The following ITPKB variants were observed in gnomAD, a reference collection of about 807,000 sequenced individuals.
The protein encoded by ITPKB is IP3 3-kinase B.
A neutral mutation model predicts 69.4 loss-of-function variants in ITPKB; 13 were observed. That is an observed-to-expected ratio of 0.19 (90% confidence interval 0.12 to 0.30). The LOEUF (loss-of-function observed/expected upper bound fraction) is 0.30. ITPKB is among the 10% of genes least tolerant of loss of function. ITPKB has a pLI of 1.00. For synonymous variants in ITPKB, 584 were observed against 513.7 expected (o/e 1.14, Z -1.85); for missense variants, 1,240 against 1,250.5 (o/e 0.99, Z 0.13).
intron 2 of ITPKB, among the ~76,000 whole-genome samples, chr1:226,694,421 A>G (rs1314711581): frequency 2.0e-5 from 3 of 152,206 alleles, no homozygotes. Context: ...CTTTCTATCT[A>G]TGACTTCTTT....
At chr1:226,685,807 A>G (rs1656195593) in intron 2 of ITPKB, among the ~76,000 whole-genome samples, 1 of 152,164 alleles carries the variant, frequency 6.6e-6, no homozygotes, top group Non-Finnish European at 1.5e-5. Context: ...TTGTACAAGG[A>G]AAAAAAATTC....
chr1:226,672,885 A>G (rs1188206380), intron 2 of ITPKB, among the ~76,000 whole-genome samples: 1 of 152,206 alleles, frequency 6.6e-6, no homozygotes, highest in Non-Finnish European at 1.5e-5. Flanking sequence ...TGGGCAGACA[A>G]ACAGGAAGAA....
chr1:226,735,593 G>T lies in ITPKB; in HGVS notation c.1866C>A (p.Asp622Glu). 6.3e-6 allele frequency: 10 copies of T among 1,595,956 alleles called. No individual in the cohort carries two copies. The highest frequency in any genetic ancestry group is 8.5e-6 in the Non-Finnish European group (10 of 1,171,162). The change falls in exon 2 of 8, where the codon GAC (aspartate) becomes GAA (glutamate). Residue 622 changes from aspartate (D) to glutamate (E), a missense_variant. Coordinates refer to ENST00000429204, the MANE Select transcript of ITPKB (RefSeq NM_002221.4). ...YEDSEEDISS[D>E]PERTLDPNSA... Reference sequence around the variant, plus strand: ...AGTTGGGGTCCAGGGTGCGCTCAGGGTCACTGGAGATGTCCTCCTCTGAGT... The same window carrying T: ...AGTTGGGGTCCAGGGTGCGCTCAGGTTCACTGGAGATGTCCTCCTCTGAGT...
intron 2 of ITPKB, among the ~76,000 whole-genome samples, chr1:226,723,455 C>A (rs1382420906): frequency 6.6e-6 from 1 of 152,078 alleles, no homozygotes; most frequent in Non-Finnish European, 1.5e-5. Flanking sequence ...GGCCTGGCAC[C>A]AGATGCGGCA....
At chr1:226,713,558 G>A (rs1657026156) in intron 2 of ITPKB, among the ~76,000 whole-genome samples, 1 of 152,190 alleles carries the variant, frequency 6.6e-6, no homozygotes, top group Non-Finnish European at 1.5e-5. Context: ...GTCGTGGTCT[G>A]GAGGAATTTC....
At chr1:226,702,189 A>C (rs930887230) in intron 2 of ITPKB, among the ~76,000 whole-genome samples, 1 of 152,160 alleles carries the variant, frequency 6.6e-6, no homozygotes, top group East Asian at 1.9e-4. Context: ...TGAGGTCTAG[A>C]GTTCAAGACC....
At chr1:226,696,757 T>G (rs1320516417) in intron 2 of ITPKB, among the ~76,000 whole-genome samples, 3 of 152,142 alleles carry the variant, frequency 2.0e-5, no homozygotes, top group Non-Finnish European at 4.4e-5. Flanking sequence ...TTCCTAAGTG[T>G]CTCATCACAC....
chr1:226,673,242 C>T (rs570981366), intron 2 of ITPKB, among the ~76,000 whole-genome samples: 5 of 152,192 alleles, frequency 3.3e-5, no homozygotes, highest in Middle Eastern at 3.4e-3. Context: ...GGTGTGGTGG[C>T]GCGCACCTGT....
chr1:226,639,054 C>CT (rs34561047), intron 6 of ITPKB, among the ~76,000 whole-genome samples: 48,243 of 123,700 alleles, frequency 0.39, 10,300 homozygotes, highest in South Asian at 0.52. Context: ...GTGCCCTTGA[C>CT]TTTTTTTTTT....
chr1:226,734,153 C>G (rs996224845), intron 2 of ITPKB, among the ~76,000 whole-genome samples: 1 of 152,244 alleles, frequency 6.6e-6, no homozygotes, highest in African/African-American at 2.4e-5. Context: ...CCGCTTCCCC[C>G]TCTAAAGGTG....
At chr1:226,638,659 A>G (rs1478016383) in intron 6 of ITPKB, among the ~76,000 whole-genome samples, 1 of 152,002 alleles carries the variant, frequency 6.6e-6, no homozygotes, top group Non-Finnish European at 1.5e-5. Context: ...GCAGCAACAC[A>G]CAAGACAGAA....
intron 2 of ITPKB, among the ~76,000 whole-genome samples, chr1:226,703,820 G>A (rs990739137): frequency 2.0e-5 from 3 of 152,230 alleles, no homozygotes; most frequent in African/African-American, 7.2e-5. Context: ...ATGTGTTTCA[G>A]TCTGGGTTTC....
At chr1:226,704,355 T>G (rs1442969979) in intron 2 of ITPKB, among the ~76,000 whole-genome samples, 1 of 152,190 alleles carries the variant, frequency 6.6e-6, no homozygotes, top group African/African-American at 2.4e-5. Context: ...TTAAAAACAT[T>G]AATATAACCA....
chr1:226,717,483 C>A (rs896372120), intron 2 of ITPKB, among the ~76,000 whole-genome samples: 3 of 152,204 alleles, frequency 2.0e-5, no homozygotes, highest in Non-Finnish European at 4.4e-5. Context: ...GCACCAGTGG[C>A]GGAAAGGAAG....
At chr1:226,687,976 G>A (rs1168480149) in intron 2 of ITPKB, among the ~76,000 whole-genome samples, 1 of 152,210 alleles carries the variant, frequency 6.6e-6, no homozygotes, top group African/African-American at 2.4e-5. Flanking sequence ...GGGAGTGTCT[G>A]TAACAACTAT....
intron 2 of ITPKB, among the ~76,000 whole-genome samples, chr1:226,731,055 TTGTC>T (rs1657576139): frequency 6.6e-6 from 1 of 152,226 alleles, no homozygotes; most frequent in Admixed American, 6.5e-5. Context: ...CAATCTCTCT[TTGTC>T]TGTATACCTC....
chr1:226,644,258 G>C (rs1669020379), intron 4 of ITPKB, among the ~76,000 whole-genome samples: 1 of 152,226 alleles, frequency 6.6e-6, no homozygotes, highest in Non-Finnish European at 1.5e-5. Context: ...ATGCCCACAG[G>C]AAGGTGAGGC....
At chr1:226,721,959 G>T (rs984011048) in intron 2 of ITPKB, among the ~76,000 whole-genome samples, 3 of 151,602 alleles carry the variant, frequency 2.0e-5, no homozygotes, top group African/African-American at 7.3e-5. Context: ...GATTACAGGC[G>T]CGCACCACCA....
chr1:226,714,451 G>GT (rs1657046365), intron 2 of ITPKB, among the ~76,000 whole-genome samples: 1 of 152,194 alleles, frequency 6.6e-6, no homozygotes, highest in Non-Finnish European at 1.5e-5. Flanking sequence ...TTGATTTGAA[G>GT]TAAGAATGAC....
Sources: gnomAD v4.1 joint callset for allele counts (sites outside exome capture counted in the v4.1 genomes callset) on GRCh38, gnomAD v4.1.1 for gene constraint, MANE v1.5 for transcripts, NCBI Gene and HGNC (gene_info 2026-07-23, HGNC 2026-07-21) for gene names.